The following NETO1 variants were observed in gnomAD, a reference collection of about 807,000 sequenced individuals.
NETO1 encodes neuropilin and tolloid like 1, also known as neuropilin and tolloid-like protein 1.
Under a neutral mutation model 61.3 loss-of-function variants are expected in NETO1, and 26 were observed. That is an observed-to-expected ratio of 0.42 (90% CI 0.31 to 0.59). The LOEUF is 0.59. Ranked by LOEUF, NETO1 falls within the 20% of genes least tolerant of loss-of-function variation. NETO1 has a pLI of 0.12. For missense variants in NETO1, 531 were observed against 662.8 expected (o/e 0.80, Z 2.18); for synonymous variants, 225 against 225.8 (o/e 1.00, Z 0.03).
intron 7 of NETO1, among the ~76,000 whole-genome samples, chr18:72,773,925 A>G (rs186686838): frequency 2.0e-5 from 3 of 152,096 alleles, no homozygotes; most frequent in Admixed American, 2.0e-4. Flanking sequence ...CTGTATGTAT[A>G]TTTCTTTATT....
At chr18:72,755,146 T>G (rs1245895358) in intron 8 of NETO1, among the ~76,000 whole-genome samples, 1 of 152,224 alleles carries the variant, frequency 6.6e-6, no homozygotes, top group African/African-American at 2.4e-5. Context: ...ACAAAGCCAG[T>G]GGTGACCACG....
chr18:72,861,210 G>C (rs998389178), intron 3 of NETO1, among the ~76,000 whole-genome samples: 1 of 152,184 alleles, frequency 6.6e-6, no homozygotes, highest in African/African-American at 2.4e-5. Context: ...CCGCCATTAT[G>C]GCTTTTGGTA....
At chr18:72,751,041 A>G (rs753725388) in intron 8 of NETO1, among the ~76,000 whole-genome samples, 5 of 146,448 alleles carry the variant, frequency 3.4e-5, no homozygotes, top group Non-Finnish European at 6.0e-5. Context: ...CCAGCATCTC[A>G]TCTTAAAATA....
At chr18:72,748,645 C>T (rs1599075055) in intron 10 of NETO1, among the ~76,000 whole-genome samples, 3 of 152,036 alleles carry the variant, frequency 2.0e-5, no homozygotes, top group African/African-American at 4.8e-5. Flanking sequence ...TTCAGCTATA[C>T]TGAGACTGAA....
chr18:72,815,120 C>A (rs528765527), intron 4 of NETO1, among the ~76,000 whole-genome samples: 3 of 152,052 alleles, frequency 2.0e-5, no homozygotes, highest in Non-Finnish European at 4.4e-5. Context: ...TTTAATTACT[C>A]ATGTTGGTAT....
chr18:72,798,072 C>G (rs2072379184), intron 4 of NETO1, among the ~76,000 whole-genome samples: 1 of 152,222 alleles, frequency 6.6e-6, no homozygotes, highest in African/African-American at 2.4e-5. Context: ...ACTTCCACTG[C>G]TCCATAATCA....
intron 1 of NETO1, 151 bp from the exon 2 acceptor site, chr18:72,865,392 A>G: frequency 8.8e-7 from 1 of 1,138,704 alleles, no homozygotes; most frequent in South Asian, 1.5e-5. Flanking sequence ...TGCAAAAACC[A>G]ATTTGAAATG....
Position 72,834,468 on chromosome 18 carries a change from A to G in NETO1, c.469+24358T>C, listed in dbSNP as rs529727044. On this transcript the variant is annotated intron_variant, in intron 4 of 10. Transcript: ENST00000327305. ...AAAAACATATCTGGGGCAAACAGCA[A>G]TTTCATTTTTAAATTATGTGACACT... 3.1e-4 allele frequency: 300 copies of G among 981,086 alleles called. 4 individuals are homozygous for G. The South Asian group carries it at 0.012, about 40-fold the overall frequency. 60.8% of individuals were successfully genotyped at this position (981,086 alleles called of 1,614,324 possible).
At chr18:72,786,193 T>C (rs2071910755) in intron 6 of NETO1, among the ~76,000 whole-genome samples, 2 of 152,188 alleles carry the variant, frequency 1.3e-5, no homozygotes, top group Admixed American at 1.3e-4. Flanking sequence ...GATAATTACA[T>C]AGAATAGTCT....
intron 4 of NETO1, among the ~76,000 whole-genome samples, chr18:72,803,435 T>G (rs1041105010): frequency 5.9e-5 from 9 of 152,258 alleles, no homozygotes; most frequent in African/African-American, 2.2e-4. Context: ...TACGGTTTGA[T>G]ATTCCCTGTT....
At chr18:72,751,450 G>A (rs1464917179) in intron 8 of NETO1, among the ~76,000 whole-genome samples, 3 of 152,166 alleles carry the variant, frequency 2.0e-5, no homozygotes, top group African/African-American at 4.8e-5. Flanking sequence ...TCCCAGTTAA[G>A]TGAGTTATGG....
rs1398038692 is a variant in NETO1 at position 72,867,541 on chromosome 18, A to T, written c.-250T>A. ...CGCTGGCCCTCAGCGCCGCGCAGCC[A>T]GCAGCATCCCCACCGTGACGCTCGC... On this transcript the variant is annotated 5_prime_UTR_variant, in exon 1 of 11. Transcript: ENST00000327305. The T allele has an allele frequency of 2.7e-6, 1 of 371,776 alleles. No individual in the cohort carries two copies. The highest frequency in any genetic ancestry group is 4.8e-6 in the Non-Finnish European group (1 of 210,004). 23.0% of individuals were successfully genotyped at this position (371,776 alleles called of 1,614,324 possible). A position where few individuals can be genotyped will look rare whatever the true frequency, so the allele number is the denominator to read the frequency against.
intron 4 of NETO1, among the ~76,000 whole-genome samples, chr18:72,848,818 G>A (rs1408916427): frequency 2.0e-5 from 3 of 152,124 alleles, no homozygotes; most frequent in African/African-American, 7.2e-5. Flanking sequence ...AAGTTCTGAC[G>A]CCCTTTTTCC....
intron 4 of NETO1, among the ~76,000 whole-genome samples, chr18:72,797,099 CCTT>C (rs2072341911): frequency 6.6e-6 from 1 of 152,088 alleles, no homozygotes; most frequent in Non-Finnish European, 1.5e-5. Context: ...TTCATTGTAT[CCTT>C]CTTACTATTA....
intron 4 of NETO1, among the ~76,000 whole-genome samples, chr18:72,831,676 T>C (rs1283287161): frequency 6.6e-6 from 1 of 152,224 alleles, no homozygotes; most frequent in Non-Finnish European, 1.5e-5. Flanking sequence ...TTTGGCAGTT[T>C]CATTGTTTCA....
At chr18:72,800,247 A>C (rs2072460802) in intron 4 of NETO1, among the ~76,000 whole-genome samples, 1 of 152,228 alleles carries the variant, frequency 6.6e-6, no homozygotes, top group African/African-American at 2.4e-5. Context: ...AATGCCTGAT[A>C]TTGCAAATGA....
At chr18:72,770,920 GTTAAT>G (rs776956778) in intron 7 of NETO1, among the ~76,000 whole-genome samples, 3 of 152,030 alleles carry the variant, frequency 2.0e-5, no homozygotes, top group Admixed American at 6.6e-5. Context: ...TGGAAAATGT[GTTAAT>G]TTATTTTTCC....
intron 4 of NETO1, among the ~76,000 whole-genome samples, chr18:72,852,701 C>T (rs1408635768): frequency 6.6e-6 from 1 of 152,120 alleles, no homozygotes; most frequent in Non-Finnish European, 1.5e-5. Context: ...ATCCCTCCTC[C>T]TGAGCCCACT....
At chr18:72,785,561 T>C (rs1048880029) in intron 6 of NETO1, among the ~76,000 whole-genome samples, 1 of 152,240 alleles carries the variant, frequency 6.6e-6, no homozygotes, top group Non-Finnish European at 1.5e-5. Flanking sequence ...CATTATACTT[T>C]AAGTTTTAGG....
Sources: allele counts gnomAD v4.1 joint callset (sites outside exome capture counted in the v4.1 genomes callset), GRCh38; gene constraint gnomAD v4.1.1; transcripts MANE v1.5; gene names NCBI Gene and HGNC (gene_info 2026-07-23, HGNC 2026-07-21).